Variants in SMTNL2 observed in about 807,000 individuals in gnomAD.
The protein encoded by SMTNL2 is smoothelin like 2.
In SMTNL2, 43 loss-of-function variants were observed where a neutral mutation model predicts 44.1. The ratio of observed to expected loss-of-function variants is 0.98; its 90% CI spans 0.76 to 1.26. The LOEUF is 1.26. Among genes scored for constraint, SMTNL2 ranks in the 50% most tolerant of loss-of-function variants. The pLI, the probability that SMTNL2 is intolerant of heterozygous loss-of-function variation, is 0.00. For missense variants in SMTNL2, 646 were observed against 670.2 expected, an observed-to-expected ratio of 0.96 and a Z score of 0.40; for synonymous variants, 317 against 287.6, an observed-to-expected ratio of 1.10 and a Z score of -1.03.
At chr17:4,594,936 G>A (rs1274032662) in intron 4 of SMTNL2, 6 of 647,022 alleles carry the variant, frequency 9.3e-6, no homozygotes, top group Non-Finnish European at 1.6e-5. Flanking sequence ...AGCGTCTCCT[G>A]AGTTGAGCCT....
At chr17:4,589,011 C>T (rs940936651) in intron 1 of SMTNL2, among the ~76,000 whole-genome samples, 5 of 152,162 alleles carry the variant, frequency 3.3e-5, no homozygotes, top group East Asian at 3.9e-4. Flanking sequence ...CCCCAGGTGA[C>T]GAATGCTTCT....
upstream of SMTNL2, among the ~76,000 whole-genome samples, chr17:4,584,276 G>A (rs1909245056): frequency 6.6e-6 from 1 of 152,148 alleles, no homozygotes; most frequent in South Asian, 2.1e-4. Flanking sequence ...TGCTCTCTAC[G>A]GTCCAGGGGG....
rs1018272294 is a variant in SMTNL2, at chr17:4,592,040, G to A, written c.400-321G>A. On this transcript the variant is annotated intron_variant, in intron 1 of 7. Coordinates refer to ENST00000389313, the MANE Select transcript of SMTNL2 (RefSeq NM_001114974.2). The surrounding 1 kb of genome is among the most constrained non-coding windows in gnomAD (Gnocchi z 4.5). ...CGAGGCACTCCTGACCCCATCATCT[G>A]GTCCAGCCTGGGGGAAAAGGTGAGG... Among the ~76,000 whole-genome samples the A allele has an allele frequency of 3.9e-5, 6 of 152,206 alleles. No homozygotes were observed. Among genetic ancestry groups the A allele is most frequent in the Non-Finnish European group, 8.8e-5 (6 of 68,038 alleles).
chr17:4,596,362 C>A lies in SMTNL2; in HGVS notation c.990-498C>A, dbSNP rs373518468. Among the ~76,000 whole-genome samples the A allele has an allele frequency of 5.9e-5, 9 of 152,372 alleles. No homozygotes were observed. In the East Asian group the frequency reaches 1.7e-3, roughly 29 times the overall value. On this transcript the variant is annotated intron_variant, in intron 5 of 7. Transcript: ENST00000389313. ...ACATCTCCCCACTGGCCCCAAACAA[C>A]CTGGCCTAGGCCATTAGGGACTGTC...
upstream of SMTNL2, chr17:4,584,493 C>T: frequency 1.7e-6 from 2 of 1,160,956 alleles, no homozygotes; most frequent in Admixed American, 4.4e-5. Flanking sequence ...CCCGCCTCCC[C>T]GGCAGCCCCT....
At chr17:4,601,677 C>G (rs1052707678) in intron 7 of SMTNL2, among the ~76,000 whole-genome samples, 19 of 146,236 alleles carry the variant, frequency 1.3e-4, no homozygotes, top group African/African-American at 4.7e-4. Flanking sequence ...GCACACACCC[C>G]CACACTTGGC....
intron 1 of SMTNL2, among the ~76,000 whole-genome samples, chr17:4,586,767 C>T (rs1391179424): frequency 6.6e-6 from 1 of 151,968 alleles, no homozygotes; most frequent in East Asian, 1.9e-4. Flanking sequence ...GGCCGTGGGC[C>T]TTGGTGTGTA....
At chr17:4,604,841 TTG>T (rs200680588) in intron 7 of SMTNL2, among the ~76,000 whole-genome samples, 3,947 of 152,116 alleles carry the variant, frequency 0.026, 76 homozygotes, top group Non-Finnish European at 0.043. Flanking sequence ...CTGGCTAATT[TTG>T]TGTTTTTAGT....
In SMTNL2 at chr17:4,597,264, C is replaced by T. The variant is rs8073566; in HGVS notation, c.1200C>T (p.Tyr400=). 13,777 of 1,614,134 alleles carry T rather than the reference C, an allele frequency of 8.5e-3. 1,080 individuals are homozygous for T. The African/African-American group carries it at 0.17, about 19-fold the overall frequency. Residue 400 remains tyrosine, a synonymous_variant, in exon 7 of 8, where the codon TAC becomes TAT. Coordinates refer to ENST00000389313, the MANE Select transcript of SMTNL2 (RefSeq NM_001114974.2). Reference sequence around the variant, plus strand: ...CCTTCTTCCCCGATGCCTTTGACTACAACTCCCTGAGCCCCACGCAGAGGC... The same window carrying T: ...CCTTCTTCCCCGATGCCTTTGACTATAACTCCCTGAGCCCCACGCAGAGGC... The part of the protein sequence containing the change: ...VHSFFPDAFD[Y]NSLSPTQRQK...
At chr17:4,605,192 G>C (rs1358663717) in intron 7 of SMTNL2, among the ~76,000 whole-genome samples, 2 of 114,788 alleles carry the variant, frequency 1.7e-5, no homozygotes, top group Non-Finnish European at 3.3e-5. Context: ...GGCAGGGTCT[G>C]GCTCTGTACC....
At position 4,595,127 on chromosome 17, in the gene SMTNL2, C is replaced by G. The variant is rs575143635; in HGVS notation, c.807-18C>G. The G allele has an allele frequency of 5.0e-6, 8 of 1,613,002 alleles. No individual in the cohort carries two copies. The highest frequency in any genetic ancestry group is 5.9e-6 in the Non-Finnish European group (7 of 1,179,958). ...TGGCTGCTGGGCCCAGGTCCCAACTCGGCGATTCTTTCCTCAGCCCACCGC... is the reference window on the plus strand; with the variant it reads ...TGGCTGCTGGGCCCAGGTCCCAACTGGGCGATTCTTTCCTCAGCCCACCGC... On this transcript the variant is annotated intron_variant, in intron 4 of 7. Transcript: ENST00000389313. The surrounding 1 kb of genome is among the most constrained non-coding windows in gnomAD (Gnocchi z 5.1).
intron 7 of SMTNL2, among the ~76,000 whole-genome samples, chr17:4,602,166 T>C (rs140865142): frequency 1.3e-5 from 2 of 152,288 alleles, no homozygotes; most frequent in East Asian, 3.9e-4. Flanking sequence ...CTGAAACTTT[T>C]TGAGTGCCAG....
At chr17:4,603,931 G>A (rs1335424010) in intron 7 of SMTNL2, among the ~76,000 whole-genome samples, 6 of 151,914 alleles carry the variant, frequency 3.9e-5, no homozygotes, top group Admixed American at 2.0e-4. Context: ...TGCAACCTCC[G>A]CCTCCCGAGT....
Position 4,592,522 on chromosome 17 carries a change from C to A in SMTNL2, c.487+74C>A. The A allele has an allele frequency of 7.0e-7, 1 of 1,419,626 alleles. No homozygotes were observed. The highest frequency in any genetic ancestry group is 9.6e-7 in the Non-Finnish European group (1 of 1,039,836). 87.9% of individuals were successfully genotyped at this position (1,419,626 alleles called of 1,614,324 possible). On this transcript the variant is annotated intron_variant, in intron 2 of 7. Coordinates refer to ENST00000389313, the MANE Select transcript of SMTNL2 (RefSeq NM_001114974.2). The surrounding 1 kb of genome is among the most constrained non-coding windows in gnomAD (Gnocchi z 4.5). Reference sequence around the variant, plus strand: ...GTAAGGCCTTGGTCAGGTATCTGTGCCAGGCTGGCCCTTGGCCTGGCATCG... The same window carrying A: ...GTAAGGCCTTGGTCAGGTATCTGTGACAGGCTGGCCCTTGGCCTGGCATCG...
At position 4,607,518 on chromosome 17, in the gene SMTNL2, C is replaced by T. The variant is rs767601573; in HGVS notation, c.*31C>T. 1.2e-6 allele frequency: 2 copies of T among 1,607,698 alleles called. No homozygotes were observed. The highest frequency in any genetic ancestry group is 1.3e-5 in the African/African-American group (1 of 74,826). ...CTGAGCCTGGATTGCCAAAGAGCAG[C>T]CCCAGGAAGAGGCCGGGGGTCCGCT... On this transcript the variant is annotated 3_prime_UTR_variant, in exon 8 of 8. Coordinates refer to ENST00000389313, the MANE Select transcript of SMTNL2 (RefSeq NM_001114974.2). The surrounding 1 kb of genome is among the most constrained non-coding windows in gnomAD (Gnocchi z 4.7).
chr17:4,604,655 A>G (rs985564548), intron 7 of SMTNL2, among the ~76,000 whole-genome samples: 3 of 152,086 alleles, frequency 2.0e-5, no homozygotes, highest in Non-Finnish European at 1.5e-5. Flanking sequence ...TGGGAGGGAC[A>G]GCAGAGGTGG....
chr17:4,596,949 G>T lies in SMTNL2; in HGVS notation c.1079G>T (p.Trp360Leu). 3.9e-6 allele frequency: 6 copies of T among 1,523,534 alleles called. No individual in the cohort carries two copies. The highest frequency in any genetic ancestry group is 5.3e-6 in the Non-Finnish European group (6 of 1,129,062). 94.4% of individuals were successfully genotyped at this position (1,523,534 alleles called of 1,614,324 possible). Reference sequence around the variant, plus strand: ...AGCATCAAGCAGATCCTGCTCGAGTGGTGCCGCAGCAAGACGCTGGGCTAC... The same window carrying T: ...AGCATCAAGCAGATCCTGCTCGAGTTGTGCCGCAGCAAGACGCTGGGCTAC... Reference protein sequence around the residue: ...ASSIKQILLEWCRSKTLGYQH... With the variant: ...ASSIKQILLELCRSKTLGYQH... The change falls in exon 6 of 8, where the codon TGG (tryptophan) becomes TTG (leucine). Residue 360 changes from tryptophan (W) to leucine (L), a missense_variant. Trp to Leu is a moderately conservative substitution (Grantham distance 61). Transcript: ENST00000389313.
chr17:4,595,382 C>T lies in SMTNL2; in HGVS notation c.989+55C>T, dbSNP rs376578547. 1.2e-4 allele frequency: 195 copies of T among 1,584,832 alleles called. 2 individuals carry two copies. In the South Asian group the frequency reaches 1.6e-3, roughly 13 times the overall value. On this transcript the variant is annotated intron_variant, in intron 5 of 7. Transcript: ENST00000389313. The surrounding 1 kb of genome is among the most constrained non-coding windows in gnomAD (Gnocchi z 5.1). Reference sequence around the variant, plus strand: ...GCCCCACGGTGTGCCCAGACCCAGACGGGGCTTGGGTGGGTGCAGCAGGGC... The same window carrying T: ...GCCCCACGGTGTGCCCAGACCCAGATGGGGCTTGGGTGGGTGCAGCAGGGC...
At chr17:4,588,399 TCAAAA>T (rs1199423944) in intron 1 of SMTNL2, among the ~76,000 whole-genome samples, 3 of 152,156 alleles carry the variant, frequency 2.0e-5, no homozygotes, top group Non-Finnish European at 4.4e-5. Flanking sequence ...CTCCCCTTTC[TCAAAA>T]CAAAGCCGAG....
Sources: allele counts gnomAD v4.1 joint callset (sites outside exome capture counted in the v4.1 genomes callset), GRCh38; gene constraint gnomAD v4.1.1; non-coding constraint Gnocchi (gnomAD v3.1); transcripts MANE v1.5; gene names NCBI Gene and HGNC (gene_info 2026-07-23, HGNC 2026-07-21).